KRT19: variants seen among roughly 807,000 people sequenced by gnomAD.
The protein encoded by KRT19 is keratin 19.
Under a neutral mutation model 34.6 loss-of-function variants are expected in KRT19, and 21 were observed. That is an observed-to-expected ratio of 0.61 (90% CI 0.43 to 0.87). The LOEUF (loss-of-function observed/expected upper bound fraction) is 0.87. Ranked by LOEUF, KRT19 falls within the 40% of genes least tolerant of loss-of-function variation. The pLI is 0.00. For synonymous variants in KRT19, 240 were observed against 245.8 expected, an observed-to-expected ratio of 0.98 and a Z score of 0.22; for missense variants, 514 against 545.7, an observed-to-expected ratio of 0.94 and a Z score of 0.58.
chr17:41,524,679 G>C, intron 3 of KRT19, 139 bp from the exon 4 acceptor site: 2 of 1,222,602 alleles, frequency 1.6e-6, no homozygotes, highest in South Asian at 1.4e-5. Flanking sequence ...GGACAGACTG[G>C]GTCATCACTG....
chr17:41,527,663 C>T (rs1299841410), intron 1 of KRT19, among the ~76,000 whole-genome samples, 165 bp downstream of exon 1: 1 of 152,220 alleles, frequency 6.6e-6, no homozygotes, highest in Non-Finnish European at 1.5e-5. Context: ...GCCCCGAGGT[C>T]CTGCCCCGCA....
intron 1 of KRT19, chr17:41,525,674 A>G (rs892763432): frequency 2.3e-5 from 5 of 213,168 alleles, no homozygotes; most frequent in Admixed American, 5.4e-5. Context: ...CCATTTGTTG[A>G]GTATCAATTA....
intron 1 of KRT19, among the ~76,000 whole-genome samples, chr17:41,526,370 G>A (rs1905863191): frequency 6.6e-6 from 1 of 151,982 alleles, no homozygotes; most frequent in African/African-American, 2.4e-5. Flanking sequence ...TTGTGTGTGT[G>A]CATGTGCACG....
At position 41,523,820 on chromosome 17, in the gene KRT19, C is replaced by T; in HGVS notation, c.1126G>A (p.Glu376Lys). 6.2e-7 allele frequency: 1 copy of T among 1,613,900 alleles called. No individual in the cohort carries two copies. Among genetic ancestry groups the T allele is most frequent in the Admixed American group, 1.7e-5 (1 of 60,030 alleles). The part of the protein sequence containing the change: ...LMDIKSRLEQ[E>K]IATYRSLLEG... Reference sequence around the variant, plus strand: ...AGCAGGCTGCGGTAGGTGGCAATCTCCTGCTCCAGCCGCGACTTGATGTCC... The same window carrying T: ...AGCAGGCTGCGGTAGGTGGCAATCTTCTGCTCCAGCCGCGACTTGATGTCC... Residue 376 changes from glutamate to lysine, a missense_variant, in exon 6 of 6, where the codon GAG becomes AAG. Glu to Lys is a moderately conservative substitution (Grantham distance 56, BLOSUM62 1). Coordinates refer to ENST00000361566, the MANE Select transcript of KRT19 (RefSeq NM_002276.5).
At position 41,524,373 on chromosome 17, in the gene KRT19, A is replaced by G; in HGVS notation, c.822+6T>C. On this transcript the variant is annotated splice_donor_region_variant and intron_variant, in intron 4 of 5. Coordinates refer to ENST00000361566, the MANE Select transcript of KRT19 (RefSeq NM_002276.5). ...CCCCAAAGGGTGCCTGCTTCCCTCT[A>G]CCTACCCGGCTGGTGAACCAGGCTT... 1 of 1,613,904 alleles carries G rather than the reference A, an allele frequency of 6.2e-7. No homozygotes were observed. Among genetic ancestry groups the G allele is most frequent in the South Asian group, 1.1e-5 (1 of 91,074 alleles).
intron 3 of KRT19, 118 bp downstream of exon 3, chr17:41,524,725 C>T: frequency 1.5e-6 from 2 of 1,314,760 alleles, no homozygotes; most frequent in South Asian, 1.3e-5. Flanking sequence ...TGATCCCACA[C>T]CCAGGGCCAT....
rs1248097956 is a variant in KRT19 at position 41,528,018 on chromosome 17, G to A, written c.230C>T (p.Ala77Val). 6.2e-7 allele frequency: 1 copy of A among 1,612,828 alleles called. No homozygotes were observed. The highest frequency in any genetic ancestry group is 8.5e-7 in the Non-Finnish European group (1 of 1,179,714). ...CTGCATGGTTAGCTTCTCGTTGCCC[G>A]CCAGCAGCCCGTCGGACGCGGTCAG... ...GVLTASDGLL[A>V]GNEKLTMQNL... Residue 77 changes from alanine to valine, a missense_variant, in exon 1 of 6, where the codon GCG (alanine) becomes GTG (valine). Coordinates refer to ENST00000361566, the MANE Select transcript of KRT19 (RefSeq NM_002276.5).
intron 1 of KRT19, 67 bp downstream of exon 1, chr17:41,527,761 C>G (rs1905917914): frequency 6.7e-7 from 1 of 1,500,340 alleles, no homozygotes; most frequent in African/African-American, 1.4e-5. Context: ...TGGAACCTCG[C>G]CCGGCCCGCG....
In KRT19 at chr17:41,524,209, G is replaced by C. The variant is rs117356140; in HGVS notation, c.882C>G (p.Ser294=). 51 of 1,614,086 alleles carry C rather than the reference G, an allele frequency of 3.2e-5. No homozygotes were observed. Among genetic ancestry groups the C allele is most frequent in the Non-Finnish European group, 4.3e-5 (51 of 1,180,004 alleles). Residue 294 remains serine, a synonymous_variant, in exon 5 of 6, where the codon TCC becomes TCG. Transcript: ENST00000361566. ...GGGTGCGCCGCAGGTCAGTAACCTC[G>C]GACCTGCTCATCTGGAGCTGCTCCG... The part of the protein sequence containing the change: ...GHTEQLQMSR[S]EVTDLRRTLQ...
rs765157016 is a variant in KRT19, at chr17:41,524,529, C to T, written c.672G>A (p.Thr224=). 9.3e-6 allele frequency: 15 copies of T among 1,613,952 alleles called. No homozygotes were observed. The highest frequency in any genetic ancestry group is 6.7e-5 in the African/African-American group (5 of 74,920). The change falls in exon 4 of 6, where the codon ACG becomes ACA. Residue 224 remains threonine (T), a synonymous_variant. Coordinates refer to ENST00000361566, the MANE Select transcript of KRT19 (RefSeq NM_002276.5). ...LKKNHEEEIS[T]LRGQVGGQVS... ...CCTGGCCTCCCACTTGGCCCCTCAG[C>T]GTACTGATTTCCTGTAAAGATACAG...
intron 1 of KRT19, among the ~76,000 whole-genome samples, chr17:41,527,132 G>C (rs964913455): frequency 8.4e-6 from 1 of 119,394 alleles, no homozygotes; most frequent in Non-Finnish European, 1.9e-5. Flanking sequence ...GCCCCTTAGG[G>C]TTCCCCTGTA....
At chr17:41,524,762 G>A (rs918201930) in intron 3 of KRT19, 81 bp downstream of exon 3, 20 of 1,508,002 alleles carry the variant, frequency 1.3e-5, no homozygotes, top group Admixed American at 1.7e-5. Flanking sequence ...GTGTTACCAC[G>A]GTCAGAGAAT....
rs760534785 is a variant in KRT19, at chr17:41,528,047, G to A, written c.201C>T (p.Gly67=). The change falls in exon 1 of 6, where the codon GGC becomes GGT. Residue 67 remains glycine, a synonymous_variant. Transcript: ENST00000361566. ...GCAGCCCGTCGGACGCGGTCAGGAC[G>A]CCGCCGTAGCCGCCGCCGTAGGCCC... The part of the protein sequence containing the change: ...SSGAYGGGYG[G]VLTASDGLLA... 9 of 1,609,866 alleles carry A rather than the reference G, an allele frequency of 5.6e-6. No individual in the cohort carries two copies. The Admixed American group carries it at 1.2e-4, about 21-fold the overall frequency.
chr17:41,523,949 C>T lies in KRT19; in HGVS notation c.997G>A (p.Ala333Thr), dbSNP rs1006226862. 3 of 1,613,438 alleles carry T rather than the reference C, an allele frequency of 1.9e-6. No homozygotes were observed. The highest frequency in any genetic ancestry group is 2.5e-6 in the Non-Finnish European group (3 of 1,179,548). ...TLAETEARFGAQLAHIQALIS... is the reference protein window; with the variant it reads ...TLAETEARFGTQLAHIQALIS... ...AGCGCCTGGATATGCGCCAGCTGGGCTCCAAAGCGCGCCTCCGTTTCTGCC... is the reference window on the plus strand; with the variant it reads ...AGCGCCTGGATATGCGCCAGCTGGGTTCCAAAGCGCGCCTCCGTTTCTGCC... Residue 333 changes from alanine to threonine, a missense_variant, in exon 6 of 6, where the codon GCC becomes ACC. By Grantham distance (58) the Ala-to-Thr change is moderately conservative. Transcript: ENST00000361566.
Position 41,527,916 on chromosome 17 carries a change from T to C in KRT19, c.332A>G (p.Lys111Arg), listed in dbSNP as rs775278067. 3 of 1,613,612 alleles carry C rather than the reference T, an allele frequency of 1.9e-6. No homozygotes were observed. In the East Asian group the frequency reaches 6.7e-5, roughly 36 times the overall value. The change falls in exon 1 of 6, where the codon AAG becomes AGG. Residue 111 changes from lysine (K) to arginine (R), a missense_variant. By Grantham distance (26) the Lys-to-Arg change is conservative. Transcript: ENST00000361566. Reference protein sequence around the residue: ...LEAANGELEVKIRDWYQKQGP... With the variant: ...LEAANGELEVRIRDWYQKQGP... ...CTGCTTCTGGTACCAGTCGCGGATC[T>C]TCACCTCTAGCTCGCCGTTGGCCGC... is the stretch of plus-strand genomic sequence containing the variant.
At chr17:41,526,542 C>G (rs931034922) in intron 1 of KRT19, among the ~76,000 whole-genome samples, 1 of 148,796 alleles carries the variant, frequency 6.7e-6, no homozygotes, top group African/African-American at 2.5e-5. Context: ...AAGGCACACG[C>G]CACCATGCCA....
chr17:41,524,837 A>G lies in KRT19; in HGVS notation c.660+6T>C, dbSNP rs748636304. The G allele has an allele frequency of 1.9e-6, 3 of 1,613,172 alleles. No homozygotes were observed. ...GGATGGAAGAAAGGCCCAGCTTCAA[A>G]CCCACCTCCTCATGGTTCTTCTTCA... On this transcript the variant is annotated splice_donor_region_variant and intron_variant, in intron 3 of 5. Coordinates refer to ENST00000361566, the MANE Select transcript of KRT19 (RefSeq NM_002276.5).
chr17:41,525,178 C>G lies in KRT19; in HGVS notation c.503+13G>C. On this transcript the variant is annotated intron_variant, in intron 2 of 5. Coordinates refer to ENST00000361566, the MANE Select transcript of KRT19 (RefSeq NM_002276.5). Reference sequence around the variant, plus strand: ...GTCCTGGCTTCTGCAGCCCCCAGGACAGAGACACTCACTTGGTTCGGAAGT... The same window carrying G: ...GTCCTGGCTTCTGCAGCCCCCAGGAGAGAGACACTCACTTGGTTCGGAAGT... 6.2e-7 allele frequency: 1 copy of G among 1,608,620 alleles called. No individual in the cohort carries two copies. Among genetic ancestry groups the G allele is most frequent in the Non-Finnish European group, 8.5e-7 (1 of 1,175,140 alleles).
chr17:41,524,471 C>A lies in KRT19; in HGVS notation c.730G>T (p.Asp244Tyr). The change falls in exon 4 of 6, where the codon GAT (aspartate) becomes TAT (tyrosine). Residue 244 changes from aspartate (D) to tyrosine (Y), a missense_variant. Transcript: ENST00000361566. The stretch of plus-strand genomic sequence containing the variant: ...ATGTCACTCAGGATCTTGGCGAGAT[C>A]GGTGCCCGGAGCGGAATCCACCTCC... ...SVEVDSAPGT[D>Y]LAKILSDMRS... The A allele has an allele frequency of 6.2e-7, 1 of 1,614,180 alleles. No individual in the cohort carries two copies. Among genetic ancestry groups the A allele is most frequent in the South Asian group, 1.1e-5 (1 of 91,080 alleles).
Sources: allele counts gnomAD v4.1 joint callset (sites outside exome capture counted in the v4.1 genomes callset), GRCh38; gene constraint gnomAD v4.1.1; transcripts MANE v1.5; gene names NCBI Gene and HGNC (gene_info 2026-07-23, HGNC 2026-07-21).